Variants in ARHGEF4 observed in about 807,000 individuals in gnomAD.
The protein encoded by ARHGEF4 is APC-stimulated guanine nucleotide exchange factor 1.
Under a neutral mutation model 162.0 loss-of-function variants are expected in ARHGEF4, and 119 were observed. The ratio of observed to expected loss-of-function variants is 0.73; its 90% CI spans 0.63 to 0.86. ARHGEF4 has a LOEUF of 0.86. Ranked by LOEUF, ARHGEF4 falls within the 40% of genes least tolerant of loss-of-function variation. ARHGEF4 has a pLI of 0.00. For missense variants in ARHGEF4, 2,488 were observed against 2,456.0 expected, an observed-to-expected ratio of 1.01 and a Z score of -0.28; for synonymous variants, 1,014 against 979.9, an observed-to-expected ratio of 1.03 and a Z score of -0.65.
At chr2:130,892,936 C>T (rs1679942190) in intron 1 of ARHGEF4, among the ~76,000 whole-genome samples, 1 of 152,218 alleles carries the variant, frequency 6.6e-6, no homozygotes, top group Non-Finnish European at 1.5e-5. Flanking sequence ...ACACTCCCAC[C>T]AGAGGAGGCT....
chr2:130,870,272 C>G (rs1678375405), intron 1 of ARHGEF4, among the ~76,000 whole-genome samples: 1 of 152,258 alleles, frequency 6.6e-6, no homozygotes, highest in East Asian at 1.9e-4. Context: ...GGGACCTAGC[C>G]CCCGGGAGCA....
At chr2:131,008,204 G>T (rs1688248439) in intron 4 of ARHGEF4, among the ~76,000 whole-genome samples, 1 of 152,020 alleles carries the variant, frequency 6.6e-6, no homozygotes, top group African/African-American at 2.4e-5. Flanking sequence ...TGTTCAATTT[G>T]TTTGTCTGTA....
intron 4 of ARHGEF4, among the ~76,000 whole-genome samples, chr2:130,995,805 A>G (rs966770750): frequency 6.6e-6 from 1 of 151,704 alleles, no homozygotes; most frequent in African/African-American, 2.4e-5. Flanking sequence ...ACAAAGTGAG[A>G]TCTCCACTGT....
chr2:130,922,568 C>T (rs80326474), intron 2 of ARHGEF4, among the ~76,000 whole-genome samples: 4,021 of 152,106 alleles, frequency 0.026, 150 homozygotes, highest in African/African-American at 0.088. Context: ...GAAGTAACAC[C>T]GGTTGGTGAT....
chr2:130,854,854 A>ATTTT (rs142054956), intron 1 of ARHGEF4, among the ~76,000 whole-genome samples: 8 of 93,346 alleles, frequency 8.6e-5, no homozygotes, highest in Non-Finnish European at 1.6e-4. Flanking sequence ...ACTTTTATTT[A>ATTTT]TTTATTTATT....
intron 3 of ARHGEF4, among the ~76,000 whole-genome samples, chr2:130,945,371 C>A (rs532572877): frequency 6.6e-6 from 1 of 152,178 alleles, no homozygotes; most frequent in East Asian, 1.9e-4. Context: ...TCTCCCATGC[C>A]CTTGGGACCA....
chr2:130,986,116 T>C (rs1408773535), intron 4 of ARHGEF4, among the ~76,000 whole-genome samples: 2 of 151,998 alleles, frequency 1.3e-5, no homozygotes, highest in African/African-American at 4.8e-5. Context: ...GTGCATGTAG[T>C]GCATGGTGCA....
chr2:131,007,735 T>C (rs1688206624), intron 4 of ARHGEF4, among the ~76,000 whole-genome samples: 2 of 151,742 alleles, frequency 1.3e-5, no homozygotes, highest in Admixed American at 1.3e-4. Flanking sequence ...TACTTTTTAA[T>C]TTAATAATAT....
chr2:131,006,353 A>G (rs1012551656), intron 4 of ARHGEF4, among the ~76,000 whole-genome samples: 2 of 152,220 alleles, frequency 1.3e-5, no homozygotes, highest in Admixed American at 6.5e-5. Flanking sequence ...TAACAAATGT[A>G]TGTGCTGTTA....
chr2:131,025,158 G>C (rs1484960329), intron 4 of ARHGEF4, among the ~76,000 whole-genome samples: 1 of 152,176 alleles, frequency 6.6e-6, no homozygotes, highest in African/African-American at 2.4e-5. Flanking sequence ...ATGACAGGGA[G>C]GCCTCAGGAA....
In ARHGEF4 at chr2:130,914,925, A is replaced by G. The variant is rs2105054153; in HGVS notation, c.979A>G (p.Asn327Asp). The change falls in exon 2 of 14, where the codon AAC (asparagine) becomes GAC (aspartate). Residue 327 changes from asparagine (N) to aspartate (D), a missense_variant. Coordinates refer to ENST00000409359, the MANE Select transcript of ARHGEF4 (RefSeq NM_001367493.1). ...CAAGAACAGGGCATCCCCCAGACTC[A>G]ACTGTGGGCACATGAGGGCACTGGT... Reference protein sequence around the residue: ...GDKNRASPRLNCGHMRALVRA... With the variant: ...GDKNRASPRLDCGHMRALVRA... The G allele has an allele frequency of 6.5e-7, 1 of 1,535,968 alleles. No individual in the cohort carries two copies. Among genetic ancestry groups the G allele is most frequent in the African/African-American group, 1.4e-5 (1 of 72,878 alleles).
rs565410907 is a variant in ARHGEF4, at chr2:130,876,136, C to T, written c.40-37850C>T. 3.9e-5 allele frequency among the ~76,000 whole-genome samples: 6 copies of T among 152,290 alleles called. No individual in the cohort carries two copies. In the East Asian group the frequency reaches 9.7e-4, roughly 25 times the overall value. ...AGGCTTTCCCCATGTCCTCACCCCGCAGGTGATTCCCTCCATGTGTCACCC... is the reference window on the plus strand; with the variant it reads ...AGGCTTTCCCCATGTCCTCACCCCGTAGGTGATTCCCTCCATGTGTCACCC... On this transcript the variant is annotated intron_variant, in intron 1 of 13. Coordinates refer to ENST00000409359, the MANE Select transcript of ARHGEF4 (RefSeq NM_001367493.1).
intron 4 of ARHGEF4, among the ~76,000 whole-genome samples, chr2:130,992,579 TCCGA>T (rs1687101130): frequency 6.6e-6 from 1 of 151,288 alleles, no homozygotes; most frequent in Admixed American, 6.6e-5. Flanking sequence ...TCCGAACCTA[TCCGA>T]CCATCAGAAG....
At chr2:131,014,547 C>T (rs1340928964) in intron 4 of ARHGEF4, among the ~76,000 whole-genome samples, 1 of 152,206 alleles carries the variant, frequency 6.6e-6, no homozygotes, top group African/African-American at 2.4e-5. Context: ...AATCCATGAA[C>T]ACAGAATGTC....
chr2:130,910,913 G>A (rs1681141354), intron 1 of ARHGEF4, among the ~76,000 whole-genome samples: 1 of 152,224 alleles, frequency 6.6e-6, no homozygotes, highest in Non-Finnish European at 1.5e-5. Context: ...CAAGATAATG[G>A]ACATACCACA....
chr2:130,876,643 C>T (rs1054265783), intron 1 of ARHGEF4, among the ~76,000 whole-genome samples: 8 of 152,174 alleles, frequency 5.3e-5, no homozygotes, highest in African/African-American at 1.7e-4. Flanking sequence ...CCGCCCGCCT[C>T]GGCCTCCCAA....
chr2:130,844,384 G>T (rs1028165253), intron 1 of ARHGEF4, among the ~76,000 whole-genome samples: 5 of 152,118 alleles, frequency 3.3e-5, no homozygotes, highest in Non-Finnish European at 7.4e-5. Flanking sequence ...GGGGCGCCCT[G>T]CCTGGTGGGC....
intron 4 of ARHGEF4, among the ~76,000 whole-genome samples, chr2:131,014,929 G>A (rs1178966198): frequency 6.6e-6 from 1 of 152,084 alleles, no homozygotes; most frequent in African/African-American, 2.4e-5. Context: ...AGAGCGATGG[G>A]CACTGAGAGA....
chr2:130,996,459 A>G (rs2105298452), intron 4 of ARHGEF4, among the ~76,000 whole-genome samples: 2 of 152,346 alleles, frequency 1.3e-5, no homozygotes, highest in East Asian at 3.9e-4. Context: ...TATATTTTTA[A>G]GACCTCTGTT....
Sources: gnomAD v4.1 joint callset for allele counts (sites outside exome capture counted in the v4.1 genomes callset) on GRCh38, gnomAD v4.1.1 for gene constraint, MANE v1.5 for transcripts, NCBI Gene and HGNC (gene_info 2026-07-23, HGNC 2026-07-21) for gene names.